ERI1: variants seen among roughly 807,000 people sequenced by gnomAD.
The protein encoded by ERI1 is 3'-5' exoribonuclease 1.
In ERI1, 39 loss-of-function variants were observed where a neutral mutation model predicts 39.7. The ratio of observed to expected loss-of-function variants is 0.98; its 90% CI spans 0.76 to 1.28. The LOEUF (loss-of-function observed/expected upper bound fraction) is 1.28, where lower values mean the gene tolerates loss of function less well. Among genes scored for constraint, ERI1 ranks in the 50% most tolerant of loss-of-function variants. ERI1 has a pLI of 0.00. For synonymous variants in ERI1, 204 were observed against 149.6 expected, an observed-to-expected ratio of 1.36 and a Z score of -2.65; for missense variants, 581 against 416.9, an observed-to-expected ratio of 1.39 and a Z score of -3.43.
chr8:9,072,268 C>T (rs893260570), intron 3 of ERI1, among the ~76,000 whole-genome samples: 7 of 152,160 alleles, frequency 4.6e-5, no homozygotes, highest in Non-Finnish European at 1.0e-4. Flanking sequence ...ACCACATTGA[C>T]GGTCCTTTCT....
rs1027085889 is a variant in ERI1 at position 9,033,043 on chromosome 8, A to C, written c.*3009A>C. 1.3e-5 allele frequency: 2 copies of C among 152,200 alleles called. No individual in the cohort carries two copies. Among genetic ancestry groups the C allele is most frequent in the Non-Finnish European group, 2.9e-5 (2 of 68,040 alleles). The allele number at this position is 152,200 out of a possible 1,614,324, so 9.4% of individuals were successfully genotyped here. The stretch of plus-strand genomic sequence containing the variant: ...TAGTTGAATCCAGCGTTGATACATG[A>C]AGGACAGCATTACATCTTTTTTCTA... On this transcript the variant is annotated 3_prime_UTR_variant, in exon 7 of 7. Transcript: ENST00000250263.
At chr8:9,061,300 C>A (rs1798687247) in intron 3 of ERI1, among the ~76,000 whole-genome samples, 3 of 152,054 alleles carry the variant, frequency 2.0e-5, no homozygotes, top group African/African-American at 7.3e-5. Flanking sequence ...GATGTGGTAT[C>A]CAGAATAATG....
At chr8:9,014,740 A>G (rs1817044467) in intron 3 of ERI1, among the ~76,000 whole-genome samples, 1 of 152,260 alleles carries the variant, frequency 6.6e-6, no homozygotes, top group Non-Finnish European at 1.5e-5. Context: ...TTAAAAGGAT[A>G]TAGACTTAAT....
intron 3 of ERI1, among the ~76,000 whole-genome samples, chr8:9,013,645 T>C (rs1816915544): frequency 6.6e-6 from 1 of 152,168 alleles, no homozygotes. Context: ...TCCAACCCGT[T>C]CCAAATCCAG....
chr8:9,028,087 A>G (rs890335663), intron 6 of ERI1, among the ~76,000 whole-genome samples: 1 of 152,168 alleles, frequency 6.6e-6, no homozygotes, highest in Non-Finnish European at 1.5e-5. Flanking sequence ...TGCTGACCTT[A>G]ATGGAATGAG....
At chr8:9,061,993 C>T (rs181732152) in intron 3 of ERI1, among the ~76,000 whole-genome samples, 11 of 151,986 alleles carry the variant, frequency 7.2e-5, no homozygotes, top group African/African-American at 2.4e-4. Context: ...GGTTTTGGCA[C>T]CACGGGGTGG....
At chr8:9,067,571 C>G (rs1216296220) in intron 3 of ERI1, among the ~76,000 whole-genome samples, 1 of 151,414 alleles carries the variant, frequency 6.6e-6, no homozygotes, top group Non-Finnish European at 1.5e-5. Flanking sequence ...GAGAGGATCG[C>G]TTGCACCCAG....
chr8:9,088,948 G>A (rs1256167724), intron 3 of ERI1, among the ~76,000 whole-genome samples: 6 of 152,188 alleles, frequency 3.9e-5, no homozygotes, highest in African/African-American at 7.2e-5. Flanking sequence ...GCAGCGTGAC[G>A]TTAGTTCCTA....
intron 3 of ERI1, among the ~76,000 whole-genome samples, chr8:9,089,761 C>A (rs905594014): frequency 6.6e-6 from 1 of 152,066 alleles, no homozygotes; most frequent in African/African-American, 2.4e-5. Flanking sequence ...TTTGTTGTTT[C>A]CCACCATTAG....
At chr8:9,087,562 T>G (rs1799571033) in intron 3 of ERI1, among the ~76,000 whole-genome samples, 1 of 152,110 alleles carries the variant, frequency 6.6e-6, no homozygotes, top group Non-Finnish European at 1.5e-5. Context: ...TGCCCTTATT[T>G]TTATTTTGAT....
intron 3 of ERI1, among the ~76,000 whole-genome samples, chr8:9,063,251 C>A (rs1034523934): frequency 2.0e-5 from 3 of 152,044 alleles, no homozygotes; most frequent in Admixed American, 6.6e-5. Context: ...GCTAAAGGGG[C>A]CATGAACTGG....
At chr8:9,003,564 T>C (rs1563301751) in intron 1 of ERI1, among the ~76,000 whole-genome samples, 1 of 152,226 alleles carries the variant, frequency 6.6e-6, no homozygotes. Context: ...CATGCCTGTT[T>C]TTAAAAAAAG....
chr8:9,096,619 C>T (rs1343421846), intron 3 of ERI1: 3 of 148,694 alleles, frequency 2.0e-5, no homozygotes, highest in East Asian at 2.1e-4. Context: ...GTTGATTGTA[C>T]ATTTCAGGCA....
chr8:9,047,777 C>A (rs942863123), intron 3 of ERI1, among the ~76,000 whole-genome samples: 4 of 152,136 alleles, frequency 2.6e-5, no homozygotes, highest in African/African-American at 9.7e-5. Context: ...TCCACCTATA[C>A]CTATTTATTA....
intron 4 of ERI1, among the ~76,000 whole-genome samples, chr8:9,017,584 A>G (rs1817443203): frequency 1.3e-5 from 2 of 152,154 alleles, no homozygotes; most frequent in African/African-American, 4.8e-5. Context: ...CATATATGAC[A>G]GAGGGAATAG....
rs762490722 is a variant in ERI1 at position 9,016,330 on chromosome 8, G to T, written c.507G>T (p.Thr169=). The T allele has an allele frequency of 6.3e-7, 1 of 1,598,518 alleles. No individual in the cohort carries two copies. The highest frequency in any genetic ancestry group is 1.3e-5 in the African/African-American group (1 of 74,276). The part of the protein sequence containing the change: ...LNTHTLEIED[T]FQQYVRPEIN... ...CTATCCTTCCCTTGCAGGAAGACAC[G>T]TTTCAGCAGTATGTAAGACCAGAGA... is the stretch of plus-strand genomic sequence containing the variant. Residue 169 remains threonine, a synonymous_variant, in exon 4 of 7, where the codon ACG becomes ACT. Transcript: ENST00000250263.
chr8:9,086,726 G>C (rs970752522), intron 3 of ERI1, among the ~76,000 whole-genome samples: 1 of 152,122 alleles, frequency 6.6e-6, no homozygotes, highest in African/African-American at 2.4e-5. Flanking sequence ...TAATCAAAGT[G>C]GTTAACTGTG....
At chr8:9,079,774 G>A (rs1162833280) in intron 3 of ERI1, among the ~76,000 whole-genome samples, 1 of 152,116 alleles carries the variant, frequency 6.6e-6, no homozygotes, top group East Asian at 1.9e-4. Context: ...AGGCTCAGAT[G>A]ATCCTCCCAC....
downstream of ERI1, among the ~76,000 whole-genome samples, chr8:9,035,860 T>C (rs1797827329): frequency 6.6e-6 from 1 of 152,190 alleles, no homozygotes; most frequent in African/African-American, 2.4e-5. Flanking sequence ...TTACAAGCAT[T>C]TGTGATTCGT....
Sources: allele counts gnomAD v4.1 joint callset (sites outside exome capture counted in the v4.1 genomes callset), GRCh38; gene constraint gnomAD v4.1.1; transcripts MANE v1.5; gene names NCBI Gene and HGNC (gene_info 2026-07-23, HGNC 2026-07-21).